TLK1: variants seen among roughly 807,000 people sequenced by gnomAD.
TLK1 encodes the protein tousled like kinase 1.
Under a neutral mutation model 105.3 loss-of-function variants are expected in TLK1, and 24 were observed. The ratio of observed to expected loss-of-function variants is 0.23; its 90% CI spans 0.17 to 0.32. The LOEUF (loss-of-function observed/expected upper bound fraction) is 0.32. Ranked by LOEUF, TLK1 falls within the 10% of genes least tolerant of loss-of-function variation. TLK1 has a pLI of 1.00. For missense variants in TLK1, 558 were observed against 910.5 expected (o/e 0.61, Z 4.98); for synonymous variants, 321 against 310.4 (o/e 1.03, Z -0.36).
chr2:171,035,975 C>T (rs1224859927), intron 11 of TLK1, among the ~76,000 whole-genome samples: 1 of 152,238 alleles, frequency 6.6e-6, no homozygotes, highest in Middle Eastern at 3.4e-3. Context: ...ATCGCTAAAA[C>T]GGTAAGGTAA....
At chr2:171,015,016 C>T (rs1162032573) in intron 12 of TLK1, 68 bp from the exon 13 acceptor site, 3 of 1,216,456 alleles carry the variant, frequency 2.5e-6, no homozygotes, top group Non-Finnish European at 3.6e-6. Flanking sequence ...TATTTTTACC[C>T]ATGCATCAAT....
intron 3 of TLK1, among the ~76,000 whole-genome samples, chr2:171,063,312 C>T (rs1687843282): frequency 6.6e-6 from 1 of 152,132 alleles, no homozygotes; most frequent in African/African-American, 2.4e-5. Flanking sequence ...CACCACTGCA[C>T]TCCAGTTTGG....
At chr2:171,212,553 G>C (rs1241616950) in intron 1 of TLK1, among the ~76,000 whole-genome samples, 2 of 152,114 alleles carry the variant, frequency 1.3e-5, no homozygotes, top group East Asian at 3.9e-4. Context: ...TTGGAACCAG[G>C]AGATAGAAGA....
In TLK1 at chr2:171,117,813, AC is replaced by A; in HGVS notation, c.183del (p.Glu61AspfsTer44). ...ACTCCAGTAAATCTAGCTTCCAATA[AC>A]TCTTGCCTTCTTGGATCCAGACTAT... ...ELHSLDPRRQELLEARFTGVA... is the reference protein window; with the variant it reads ...ELHSLDPRRQXLLEARFTGVA... On this transcript the variant is annotated frameshift_variant, in exon 2 of 21. Transcript: ENST00000431350. LOFTEE classifies it high-confidence loss of function. 6.2e-7 allele frequency: 1 copy of A among 1,613,450 alleles called. No homozygotes were observed. The highest frequency in any genetic ancestry group is 8.5e-7 in the Non-Finnish European group (1 of 1,179,884).
chr2:171,116,737 T>A (rs1464311828), intron 2 of TLK1, among the ~76,000 whole-genome samples: 1 of 151,298 alleles, frequency 6.6e-6, no homozygotes, highest in Non-Finnish European at 1.5e-5. Context: ...AAATAATTGA[T>A]GGTACAAGTA....
intron 1 of TLK1, among the ~76,000 whole-genome samples, chr2:171,168,461 T>C (rs1289429527): frequency 3.3e-5 from 5 of 152,364 alleles, no homozygotes; most frequent in African/African-American, 1.2e-4. Context: ...TTTTGTTTCA[T>C]GATCCAGGTG....
intron 14 of TLK1, among the ~76,000 whole-genome samples, chr2:171,010,643 A>C (rs13006705): frequency 0.2 from 29,816 of 148,266 alleles, 3,662 homozygotes; most frequent in Non-Finnish European, 0.28. Flanking sequence ...AAAAAAAAGA[A>C]AGGCATAAAA....
chr2:171,143,054 C>T (rs541546581), intron 1 of TLK1, among the ~76,000 whole-genome samples: 6 of 152,162 alleles, frequency 3.9e-5, no homozygotes, highest in African/African-American at 9.6e-5. Context: ...CCAGCCTGCG[C>T]GACAAATCGA....
intron 2 of TLK1, among the ~76,000 whole-genome samples, chr2:171,096,262 G>A (rs1689446986): frequency 6.6e-6 from 1 of 152,114 alleles, no homozygotes. Flanking sequence ...CATTTTGGGA[G>A]GCCAAGATGG....
At chr2:171,198,195 A>T (rs1185062366) in intron 1 of TLK1, among the ~76,000 whole-genome samples, 2 of 152,240 alleles carry the variant, frequency 1.3e-5, no homozygotes, top group Admixed American at 6.5e-5. Flanking sequence ...GAGAAAAAAA[A>T]TGATAACGGT....
chr2:171,001,920 A>G (rs1476060232), intron 18 of TLK1, among the ~76,000 whole-genome samples: 4 of 152,052 alleles, frequency 2.6e-5, no homozygotes, highest in Non-Finnish European at 4.4e-5. Flanking sequence ...AGCTGAGAAT[A>G]CAGGCATGCA....
intron 3 of TLK1, among the ~76,000 whole-genome samples, chr2:171,078,251 T>G (rs1384581585): frequency 6.6e-6 from 1 of 152,152 alleles, no homozygotes; most frequent in Non-Finnish European, 1.5e-5. Flanking sequence ...AAAAATCTAA[T>G]GAAATCTGCT....
chr2:171,195,877 C>T (rs1693263177), intron 1 of TLK1, among the ~76,000 whole-genome samples: 1 of 151,732 alleles, frequency 6.6e-6, no homozygotes, highest in Non-Finnish European at 1.5e-5. Flanking sequence ...GGCAAAACCC[C>T]GTCTTGCAAT....
intron 4 of TLK1, among the ~76,000 whole-genome samples, chr2:171,058,970 T>A (rs1472545036): frequency 6.6e-6 from 1 of 152,242 alleles, no homozygotes; most frequent in Non-Finnish European, 1.5e-5. Context: ...ATTTATTTTA[T>A]TTAACAAATA....
intron 1 of TLK1, among the ~76,000 whole-genome samples, chr2:171,173,148 T>C (rs1172623263): frequency 6.6e-6 from 1 of 152,224 alleles, no homozygotes; most frequent in Non-Finnish European, 1.5e-5. Flanking sequence ...AAAACTCTGG[T>C]GCAACATGAC....
In TLK1 at chr2:171,160,165, G is replaced by A; in HGVS notation, c.139+125C>T. ...AGCCGGGCGGCCTCGCGTCCACCTC[G>A]CCACCATCCCCCACCCCAGGGTCTG... On this transcript the variant is annotated intron_variant, in intron 1 of 20. Coordinates refer to ENST00000431350, the MANE Select transcript of TLK1 (RefSeq NM_012290.5). This position sits in a 1 kb window ranked among gnomAD's most constrained non-coding sequence, Gnocchi z 4.4. The A allele has an allele frequency of 3.7e-6, 4 of 1,093,086 alleles. No individual in the cohort carries two copies. The highest frequency in any genetic ancestry group is 4.6e-6 in the Non-Finnish European group (4 of 865,242). The allele number at this position is 1,093,086 out of a possible 1,614,324, so 67.7% of individuals were successfully genotyped here.
chr2:170,994,904 T>C (rs1194837820), intron 20 of TLK1, among the ~76,000 whole-genome samples: 1 of 152,206 alleles, frequency 6.6e-6, no homozygotes, highest in Non-Finnish European at 1.5e-5. Context: ...TGGTAATTGT[T>C]TCCCTTTCTT....
At chr2:171,026,929 A>C (rs1418603449) in intron 12 of TLK1, among the ~76,000 whole-genome samples, 1 of 152,166 alleles carries the variant, frequency 6.6e-6, no homozygotes, top group Non-Finnish European at 1.5e-5. Context: ...ACAATAGAAC[A>C]GAATAGAACT....
chr2:171,115,652 T>C (rs530489528), intron 2 of TLK1, among the ~76,000 whole-genome samples: 220 of 152,282 alleles, frequency 1.4e-3, no homozygotes, highest in African/African-American at 5.1e-3. Context: ...ACACCAACAG[T>C]TGCATGTCTA....
Sources: gnomAD v4.1 joint callset for allele counts (sites outside exome capture counted in the v4.1 genomes callset) on GRCh38, gnomAD v4.1.1 for gene constraint, Gnocchi (gnomAD v3.1) non-coding constraint, MANE v1.5 for transcripts, NCBI Gene and HGNC (gene_info 2026-07-23, HGNC 2026-07-21) for gene names.